ZFAND3: variants seen among roughly 807,000 people sequenced by gnomAD.
The protein encoded by ZFAND3 is zinc finger AN1-type containing 3.
A neutral mutation model predicts 29.6 loss-of-function variants in ZFAND3; 10 were observed. That is an observed-to-expected ratio of 0.34 (90% CI 0.21 to 0.57). The LOEUF is 0.57. Ranked by LOEUF, ZFAND3 falls within the 20% of genes least tolerant of loss-of-function variation. The pLI is 0.86. For missense variants in ZFAND3, 230 were observed against 304.5 expected (o/e 0.76, Z 1.82); for synonymous variants, 128 against 112.6 (o/e 1.14, Z -0.87).
At chr6:37,834,338 C>G (rs1171227711) in intron 1 of ZFAND3, among the ~76,000 whole-genome samples, 1 of 152,086 alleles carries the variant, frequency 6.6e-6, no homozygotes, top group Non-Finnish European at 1.5e-5. Context: ...CTTGCTAGCT[C>G]ATTTTTAGTG....
chr6:38,002,390 T>C (rs1561962341), intron 2 of ZFAND3, among the ~76,000 whole-genome samples: 1 of 151,696 alleles, frequency 6.6e-6, no homozygotes, highest in Admixed American at 6.6e-5. Flanking sequence ...TACAACACGA[T>C]ATTCTAGGCC....
chr6:38,100,017 C>G (rs1476044187), intron 4 of ZFAND3, among the ~76,000 whole-genome samples: 1 of 152,044 alleles, frequency 6.6e-6, no homozygotes, highest in Non-Finnish European at 1.5e-5. Flanking sequence ...CAAGATTCAG[C>G]TCCACTTTTT....
chr6:38,003,922 G>A (rs571829364), intron 2 of ZFAND3: 5 of 307,824 alleles, frequency 1.6e-5, no homozygotes, highest in Admixed American at 4.5e-5. Context: ...ACCTTCTGTC[G>A]TCCGAATGAA....
At chr6:38,009,128 A>G (rs1323524036) in intron 2 of ZFAND3, among the ~76,000 whole-genome samples, 1 of 152,214 alleles carries the variant, frequency 6.6e-6, no homozygotes, top group Non-Finnish European at 1.5e-5. Flanking sequence ...TCTTCATTGT[A>G]TACCTTTTTG....
intron 2 of ZFAND3, among the ~76,000 whole-genome samples, chr6:37,988,992 C>G (rs1308315974): frequency 6.6e-6 from 1 of 152,056 alleles, no homozygotes; most frequent in Non-Finnish European, 1.5e-5. Context: ...GCAATTTCCA[C>G]TCCCGGTTTC....
At chr6:38,079,821 A>G (rs1220572945) in intron 3 of ZFAND3, among the ~76,000 whole-genome samples, 8 of 152,034 alleles carry the variant, frequency 5.3e-5, no homozygotes, top group African/African-American at 9.7e-5. Context: ...ACTTCCTCCT[A>G]TGTCCACCCC....
At chr6:38,105,897 A>AT (rs1340103350) in intron 4 of ZFAND3, among the ~76,000 whole-genome samples, 2 of 152,192 alleles carry the variant, frequency 1.3e-5, no homozygotes, top group Non-Finnish European at 2.9e-5. Context: ...AATAAGGCAA[A>AT]TAAATATCAC....
chr6:38,137,606 A>T (rs1765866634), intron 5 of ZFAND3, among the ~76,000 whole-genome samples: 1 of 152,212 alleles, frequency 6.6e-6, no homozygotes, highest in Admixed American at 6.5e-5. Flanking sequence ...TAAGCAAGGG[A>T]ACAGATAAAC....
At chr6:37,885,081 A>G (rs1296279625) in intron 1 of ZFAND3, among the ~76,000 whole-genome samples, 1 of 152,106 alleles carries the variant, frequency 6.6e-6, no homozygotes, top group East Asian at 1.9e-4. Context: ...GGCCTCTTGA[A>G]TCTGTACTCA....
At chr6:37,854,678 A>G (rs1421433250) in intron 1 of ZFAND3, among the ~76,000 whole-genome samples, 2 of 151,738 alleles carry the variant, frequency 1.3e-5, no homozygotes, top group South Asian at 2.1e-4. Context: ...CAAGTACCTT[A>G]TCTGAAATCA....
At chr6:38,099,764 A>G (rs923336652) in intron 4 of ZFAND3, among the ~76,000 whole-genome samples, 2 of 152,252 alleles carry the variant, frequency 1.3e-5, no homozygotes, top group Non-Finnish European at 2.9e-5. Flanking sequence ...CAAGGTATAT[A>G]TGTATTTACT....
chr6:37,866,174 C>G (rs1170664674), intron 1 of ZFAND3, among the ~76,000 whole-genome samples: 1 of 152,104 alleles, frequency 6.6e-6, no homozygotes, highest in Non-Finnish European at 1.5e-5. Context: ...TCTGTTTGTC[C>G]CAGGTGGATA....
intron 3 of ZFAND3, among the ~76,000 whole-genome samples, chr6:38,064,723 T>C (rs1273724991): frequency 6.6e-6 from 1 of 151,658 alleles, no homozygotes; most frequent in Non-Finnish European, 1.5e-5. Context: ...AGATGTCTAG[T>C]TCTACTAGCT....
intron 3 of ZFAND3, among the ~76,000 whole-genome samples, chr6:38,064,506 T>G (rs2127464591): frequency 6.6e-6 from 1 of 152,294 alleles, no homozygotes; most frequent in Admixed American, 6.5e-5. Flanking sequence ...GAGTTCATAC[T>G]TTTAATCAGT....
At chr6:37,837,166 G>A (rs757333083) in intron 1 of ZFAND3, among the ~76,000 whole-genome samples, 3 of 152,100 alleles carry the variant, frequency 2.0e-5, no homozygotes, top group Non-Finnish European at 2.9e-5. Context: ...TATATATATA[G>A]GAAAAATTAG....
At chr6:37,935,626 T>G (rs185802593) in intron 2 of ZFAND3, among the ~76,000 whole-genome samples, 65 of 152,260 alleles carry the variant, frequency 4.3e-4, no homozygotes, top group African/African-American at 1.1e-3. Context: ...TGTGAAACCT[T>G]TGTTTGACTT....
In ZFAND3 at chr6:38,116,653, G is replaced by A. The variant is rs765595688; in HGVS notation, c.443G>A (p.Arg148Gln). 3.0e-5 allele frequency: 49 copies of A among 1,614,024 alleles called. No individual in the cohort carries two copies. Among genetic ancestry groups the A allele is most frequent in the South Asian group, 5.5e-5 (5 of 91,072 alleles). Residue 148 changes from arginine to glutamine, a missense_variant, in exon 5 of 6, where the codon CGA becomes CAA. Transcript: ENST00000287218. ...ACGGAACGGTCCGAGGAAACCAGTC[G>A]ATCTAAACAGAAGAGTCGACGTCGG... ...ENTERSEETS[R>Q]SKQKSRRRCF... is the part of the protein sequence containing the mutation.
chr6:38,118,919 A>G (rs1386952142), intron 5 of ZFAND3, among the ~76,000 whole-genome samples: 2 of 152,182 alleles, frequency 1.3e-5, no homozygotes, highest in East Asian at 3.8e-4. Context: ...GGTTTGCTTC[A>G]GTATGCATCC....
At chr6:38,031,855 C>G (rs1763568180) in intron 2 of ZFAND3, among the ~76,000 whole-genome samples, 1 of 149,432 alleles carries the variant, frequency 6.7e-6, no homozygotes. Context: ...CCACGCTGTC[C>G]CAGGGTCTTG....
Sources: allele counts gnomAD v4.1 joint callset (sites outside exome capture counted in the v4.1 genomes callset), GRCh38; gene constraint gnomAD v4.1.1; transcripts MANE v1.5; gene names NCBI Gene and HGNC (gene_info 2026-07-23, HGNC 2026-07-21).